SPAG16: variants seen among roughly 807,000 people sequenced by gnomAD.
SPAG16 encodes sperm-associated antigen 16 protein.
Under a neutral mutation model 80.4 loss-of-function variants are expected in SPAG16, and 86 were observed. That is an observed-to-expected ratio of 1.07 (90% CI 0.90 to 1.28). The LOEUF (loss-of-function observed/expected upper bound fraction) is 1.28, where lower values mean the gene tolerates loss of function less well. SPAG16 is among the 50% of genes most tolerant of loss of function. SPAG16 has a pLI of 0.00. For missense variants in SPAG16, 870 were observed against 765.3 expected (o/e 1.14, Z -1.61); for synonymous variants, 294 against 265.9 (o/e 1.11, Z -1.03).
intron 12 of SPAG16, among the ~76,000 whole-genome samples, chr2:214,008,427 C>A (rs1162445451): frequency 1.3e-5 from 2 of 151,386 alleles, no homozygotes; most frequent in Admixed American, 1.3e-4. Context: ...CACTTATGTA[C>A]ATATGTAGCA....
chr2:213,889,638 T>C (rs1037494489), intron 11 of SPAG16, among the ~76,000 whole-genome samples: 2 of 149,768 alleles, frequency 1.3e-5, no homozygotes, highest in Non-Finnish European at 3.0e-5. Context: ...CATATACATA[T>C]ACACACACAC....
chr2:214,055,362 T>A, intron 13 of SPAG16, among the ~76,000 whole-genome samples: 1 of 152,196 alleles, frequency 6.6e-6, no homozygotes, highest in Non-Finnish European at 1.5e-5. Flanking sequence ...CTAAATGGAC[T>A]ACTTTTCTTA....
In SPAG16 at chr2:213,436,447, C is replaced by T. The variant is rs569775431; in HGVS notation, c.943-53516C>T. On this transcript the variant is annotated intron_variant, in intron 9 of 15. Transcript: ENST00000331683. ...GACTTATGATAGCATGTCATTATAT[C>T]TACACAATTAACACAAATAAAACTT... Among the ~76,000 whole-genome samples, 7 of 152,250 alleles carry T rather than the reference C, an allele frequency of 4.6e-5. No individual in the cohort carries two copies. In the East Asian group the frequency reaches 1.2e-3, roughly 25 times the overall value.
intron 12 of SPAG16, among the ~76,000 whole-genome samples, chr2:213,949,179 T>TTTTTTTTTTGTTTTTTTTTTTTTTG (rs1553677667): frequency 2.8e-5 from 1 of 36,244 alleles, no homozygotes; most frequent in Admixed American, 4.8e-4. Flanking sequence ...GTTTTTTTTT[T>TTTTTTTTTTGTTTTTTTTTTTTTTG]TTTTTTTTTT....
At chr2:214,266,226 C>T (rs1188325220) in intron 15 of SPAG16, among the ~76,000 whole-genome samples, 1 of 151,780 alleles carries the variant, frequency 6.6e-6, no homozygotes, top group Admixed American at 6.6e-5. Context: ...AACATTCAAA[C>T]AAAAGTATTA....
intron 12 of SPAG16, among the ~76,000 whole-genome samples, chr2:213,949,178 T>TTTTGTTTTG (rs1553677647): frequency 3.1e-4 from 6 of 19,150 alleles, no homozygotes; most frequent in East Asian, 2.1e-3. Context: ...AGTTTTTTTT[T>TTTTGTTTTG]TTTTTTTTTT....
At chr2:213,778,001 A>T (rs1013640524) in intron 10 of SPAG16, among the ~76,000 whole-genome samples, 5 of 152,156 alleles carry the variant, frequency 3.3e-5, no homozygotes, top group African/African-American at 1.2e-4. Flanking sequence ...AGATTATAAT[A>T]AATTTCTTAG....
At chr2:213,780,094 G>A (rs998910987) in intron 10 of SPAG16, among the ~76,000 whole-genome samples, 2 of 152,156 alleles carry the variant, frequency 1.3e-5, no homozygotes, top group Admixed American at 6.5e-5. Context: ...GACTAGTCAT[G>A]TACTTCATGC....
chr2:213,670,916 C>A (rs1045375317), intron 10 of SPAG16, among the ~76,000 whole-genome samples: 3 of 152,176 alleles, frequency 2.0e-5, no homozygotes, highest in Non-Finnish European at 4.4e-5. Context: ...ACACGATAAG[C>A]CAAAAGAGGT....
At chr2:213,455,107 A>G (rs1384443532) in intron 9 of SPAG16, among the ~76,000 whole-genome samples, 2 of 152,188 alleles carry the variant, frequency 1.3e-5, no homozygotes. Context: ...AATGCTGGAT[A>G]ATGAAATTTG....
At chr2:214,152,176 TTCTC>T (rs55892981) in intron 15 of SPAG16, among the ~76,000 whole-genome samples, 86,613 of 151,478 alleles carry the variant, frequency 0.57, 26,525 homozygotes, top group East Asian at 0.82. Flanking sequence ...TAACAAAATT[TTCTC>T]TATTTATTAA....
chr2:213,842,687 G>A (rs1192357101), intron 10 of SPAG16, among the ~76,000 whole-genome samples: 1 of 152,104 alleles, frequency 6.6e-6, no homozygotes, highest in Non-Finnish European at 1.5e-5. Flanking sequence ...AATTGTCCTT[G>A]GATGTAAGTT....
In SPAG16 at chr2:214,395,254, G is replaced by A. The variant is rs148997608; in HGVS notation, c.1721-14886G>A. 9.5e-3 allele frequency among the ~76,000 whole-genome samples: 1,453 copies of A among 152,306 alleles called. 8 individuals carry two copies. The highest frequency in any genetic ancestry group is 0.017 in the Middle Eastern group (5 of 294). The stretch of plus-strand genomic sequence containing the variant: ...CACTATTGTGAAATAATTGGCAAGA[G>A]TATGTTTACTTTTGTAAGTAAACTG... On this transcript the variant is annotated intron_variant, in intron 15 of 15. Transcript: ENST00000331683.
At chr2:213,555,055 A>G (rs1205781138) in intron 10 of SPAG16, among the ~76,000 whole-genome samples, 1 of 152,184 alleles carries the variant, frequency 6.6e-6, no homozygotes, top group African/African-American at 2.4e-5. Context: ...TCAAATTATC[A>G]AAAAACAAAT....
At chr2:213,826,071 C>A (rs1025885425) in intron 10 of SPAG16, among the ~76,000 whole-genome samples, 1 of 151,730 alleles carries the variant, frequency 6.6e-6, no homozygotes, top group South Asian at 2.1e-4. Context: ...CTGTAATAAT[C>A]CTTTTAATTT....
chr2:214,209,957 A>ATT, intron 15 of SPAG16, among the ~76,000 whole-genome samples: 1 of 152,020 alleles, frequency 6.6e-6, no homozygotes, highest in Non-Finnish European at 1.5e-5. Context: ...TCTTATACAC[A>ATT]TTTTTCTCAC....
At chr2:214,058,610 A>G (rs574136472) in intron 13 of SPAG16, among the ~76,000 whole-genome samples, 1 of 152,298 alleles carries the variant, frequency 6.6e-6, no homozygotes, top group South Asian at 2.1e-4. Context: ...AATATTGCTG[A>G]CAGACACTGT....
chr2:213,675,340 G>C (rs2125236939), intron 10 of SPAG16, among the ~76,000 whole-genome samples: 1 of 152,252 alleles, frequency 6.6e-6, no homozygotes, highest in Non-Finnish European at 1.5e-5. Context: ...TGGGTTGCCT[G>C]TTCACTCTGA....
At chr2:214,287,219 G>T (rs1311637650) in intron 15 of SPAG16, among the ~76,000 whole-genome samples, 1 of 152,114 alleles carries the variant, frequency 6.6e-6, no homozygotes, top group African/African-American at 2.4e-5. Context: ...TTGAATGATT[G>T]CTGAACTCTA....
Sources: allele counts gnomAD v4.1 joint callset (sites outside exome capture counted in the v4.1 genomes callset), GRCh38; gene constraint gnomAD v4.1.1; transcripts MANE v1.5; gene names NCBI Gene and HGNC (gene_info 2026-07-23, HGNC 2026-07-21).